FOCAD: variants seen among roughly 807,000 people sequenced by gnomAD.
FOCAD encodes focadhesin.
Under a neutral mutation model 225.6 loss-of-function variants are expected in FOCAD, and 198 were observed. The ratio of observed to expected loss-of-function variants is 0.88; its 90% CI spans 0.78 to 0.99. FOCAD has a LOEUF of 0.99. Ranked by LOEUF, FOCAD falls within the 50% of genes least tolerant of loss-of-function variation. The pLI is 0.00. For synonymous variants in FOCAD, 897 were observed against 755.0 expected, an observed-to-expected ratio of 1.19 and a Z score of -3.08; for missense variants, 2,713 against 2,123.6, an observed-to-expected ratio of 1.28 and a Z score of -5.46.
At chr9:20,944,549 G>C in intron 28 of FOCAD, 78 bp from the exon 29 acceptor site, 1 of 1,515,510 alleles carries the variant, frequency 6.6e-7, no homozygotes, top group Admixed American at 1.8e-5. Flanking sequence ...TGAGAGCTCT[G>C]TAAACACCCG....
intron 15 of FOCAD, among the ~76,000 whole-genome samples, chr9:20,825,146 CGT>C (rs10562859): frequency 0.11 from 15,344 of 138,874 alleles, 1,217 homozygotes; most frequent in East Asian, 0.23. Context: ...TCAAGCTTTG[CGT>C]GTGTGTGTGT....
At chr9:20,800,436 T>A (rs201349851) in intron 11 of FOCAD, among the ~76,000 whole-genome samples, 12 of 152,236 alleles carry the variant, frequency 7.9e-5, no homozygotes, top group African/African-American at 1.7e-4. Context: ...GATATCCTGC[T>A]GAGTGTTTTC....
At chr9:20,874,359 A>C (rs1830049913) in intron 18 of FOCAD, 1 of 196,782 alleles carries the variant, frequency 5.1e-6, no homozygotes, top group South Asian at 1.2e-4. Context: ...CAGTGTTTGC[A>C]TTTTATTTTT....
intron 11 of FOCAD, among the ~76,000 whole-genome samples, 175 bp downstream of exon 11, chr9:20,789,783 T>C (rs1396324585): frequency 6.6e-6 from 1 of 151,916 alleles, no homozygotes; most frequent in Admixed American, 6.6e-5. Context: ...TTACTCTGAG[T>C]TGATGTATAC....
intron 15 of FOCAD, among the ~76,000 whole-genome samples, chr9:20,838,670 C>A (rs1826224628): frequency 6.6e-6 from 1 of 152,080 alleles, no homozygotes; most frequent in Middle Eastern, 3.2e-3. Flanking sequence ...GCAGTGACTT[C>A]TACTATGTAG....
intron 36 of FOCAD, among the ~76,000 whole-genome samples, chr9:20,977,957 G>T (rs1840359658): frequency 6.6e-6 from 1 of 152,156 alleles, no homozygotes; most frequent in Non-Finnish European, 1.5e-5. Context: ...CTATCTTTAA[G>T]CCATTCCACA....
chr9:20,702,027 A>G (rs1335242343), intron 1 of FOCAD, among the ~76,000 whole-genome samples: 1 of 152,178 alleles, frequency 6.6e-6, no homozygotes, highest in East Asian at 1.9e-4. Context: ...TGCTATGTTC[A>G]TGGCTCTGAG....
rs117133104 is a variant in FOCAD, at chr9:20,766,028, G to T, written c.699+955G>T. 5.2e-3 allele frequency among the ~76,000 whole-genome samples: 792 copies of T among 152,300 alleles called. 3 individuals carry two copies. Among genetic ancestry groups the T allele is most frequent in the Non-Finnish European group, 8.8e-3 (596 of 68,036 alleles). On this transcript the variant is annotated intron_variant, in intron 7 of 43. Transcript: ENST00000338382. ...TTTAATTAAAATGAATTCTCCTGTG[G>T]CTTTTCCAAAGCTTTTGTTTTGTGT...
chr9:20,978,604 T>A (rs1034739945), intron 37 of FOCAD, 150 bp downstream of exon 37: 1 of 484,590 alleles, frequency 2.1e-6, no homozygotes, highest in African/African-American at 2.0e-5. Context: ...GGCCTGCATA[T>A]TGGAAAATTA....
chr9:20,945,912 A>G (rs1837128281), intron 29 of FOCAD, among the ~76,000 whole-genome samples: 1 of 152,104 alleles, frequency 6.6e-6, no homozygotes, highest in African/African-American at 2.4e-5. Flanking sequence ...TTTTATCACG[A>G]AAAAAGGAGG....
At chr9:20,802,000 A>G (rs1821893556) in intron 11 of FOCAD, among the ~76,000 whole-genome samples, 1 of 152,106 alleles carries the variant, frequency 6.6e-6, no homozygotes, top group Admixed American at 6.5e-5. Flanking sequence ...AGTTGTTATA[A>G]TAGACTCTTA....
intron 11 of FOCAD, among the ~76,000 whole-genome samples, chr9:20,809,443 G>A (rs1245619168): frequency 2.6e-5 from 4 of 152,016 alleles, no homozygotes; most frequent in Admixed American, 1.3e-4. Flanking sequence ...TAATCAAATT[G>A]ATTAATTTAA....
At position 20,827,894 on chromosome 9, in the gene FOCAD, T is replaced by G. The variant is rs557121894; in HGVS notation, c.1920+4779T>G. ...TTTTATTAAATAAGTAGATTTTGGC[T>G]GGGCGTGTTGGTTCACACCTGTAAT... is the stretch of plus-strand genomic sequence containing the variant. On this transcript the variant is annotated intron_variant, in intron 15 of 43. Transcript: ENST00000338382. 1.1e-3 allele frequency among the ~76,000 whole-genome samples: 171 copies of G among 152,214 alleles called. 1 individual carries two copies. Among genetic ancestry groups the G allele is most frequent in the Non-Finnish European group, 2.1e-3 (144 of 67,998 alleles).
At chr9:20,798,948 A>G (rs1426584165) in intron 11 of FOCAD, among the ~76,000 whole-genome samples, 2 of 152,012 alleles carry the variant, frequency 1.3e-5, no homozygotes, top group African/African-American at 2.4e-5. Context: ...TTAGGGTGTC[A>G]ATTTTAGATC....
intron 35 of FOCAD, among the ~76,000 whole-genome samples, chr9:20,974,538 G>A: frequency 7.8e-6 from 1 of 128,688 alleles, no homozygotes; most frequent in Non-Finnish European, 1.6e-5. Context: ...TGTCCTTTCT[G>A]TAGCTGTTTT....
chr9:20,866,353 T>C (rs1829237595), intron 17 of FOCAD, among the ~76,000 whole-genome samples: 1 of 152,010 alleles, frequency 6.6e-6, no homozygotes, highest in Non-Finnish European at 1.5e-5. Flanking sequence ...AAGGATTATA[T>C]ATAGAGACTG....
At chr9:20,921,413 T>G (rs1564154626) in intron 24 of FOCAD, among the ~76,000 whole-genome samples, 1 of 152,198 alleles carries the variant, frequency 6.6e-6, no homozygotes, top group African/African-American at 2.4e-5. Flanking sequence ...GTTTGACTGG[T>G]AGGGGATAGT....
chr9:20,940,307 A>G (rs1836517825), intron 28 of FOCAD, among the ~76,000 whole-genome samples: 2 of 140,122 alleles, frequency 1.4e-5, no homozygotes, highest in African/African-American at 5.4e-5. Context: ...TTTTTGAGAT[A>G]GGATATCACT....
intron 15 of FOCAD, among the ~76,000 whole-genome samples, chr9:20,854,318 A>G (rs1564074408): frequency 6.6e-6 from 1 of 151,750 alleles, no homozygotes; most frequent in Non-Finnish European, 1.5e-5. Context: ...TCTGTTGGTT[A>G]TAACAACAAT....
Sources: allele counts gnomAD v4.1 joint callset (sites outside exome capture counted in the v4.1 genomes callset), GRCh38; gene constraint gnomAD v4.1.1; transcripts MANE v1.5; gene names NCBI Gene and HGNC (gene_info 2026-07-23, HGNC 2026-07-21).